The following PLA2G2F variants were observed in gnomAD, a reference collection of about 807,000 sequenced individuals.
PLA2G2F encodes the protein phospholipase A2 group IIF.
Under a neutral mutation model 15.9 loss-of-function variants are expected in PLA2G2F, and 17 were observed. The observed-to-expected ratio is 1.07, with a 90% CI of 0.73 to 1.60. The LOEUF (loss-of-function observed/expected upper bound fraction) is 1.60, where lower values mean the gene tolerates loss of function less well. Among genes scored for constraint, PLA2G2F ranks in the 40% most tolerant of loss-of-function variants. PLA2G2F has a pLI of 0.00. For synonymous variants in PLA2G2F, 119 were observed against 106.5 expected, an observed-to-expected ratio of 1.12 and a Z score of -0.72; for missense variants, 299 against 278.2, an observed-to-expected ratio of 1.07 and a Z score of -0.53.
intron 2 of PLA2G2F, 45 bp downstream of exon 2, chr1:20,140,263 G>C: frequency 9.4e-6 from 15 of 1,602,308 alleles, no homozygotes; most frequent in Non-Finnish European, 1.3e-5. Context: ...CCCACTCCCA[G>C]CTTGTCTCCC....
chr1:20,144,933 TG>T (rs2017557995), intron 4 of PLA2G2F, among the ~76,000 whole-genome samples: 1 of 152,022 alleles, frequency 6.6e-6, no homozygotes, highest in Non-Finnish European at 1.5e-5. Context: ...AAAAATTAGC[TG>T]GGCTTGGTGG....
At chr1:20,140,669 CTT>C (rs2017439306) in intron 2 of PLA2G2F, 1 of 169,562 alleles carries the variant, frequency 5.9e-6, no homozygotes, top group African/African-American at 2.4e-5. Context: ...ATTTGTGTCT[CTT>C]TGTGTGAGTG....
chr1:20,148,627 G>C lies in PLA2G2F; in HGVS notation c.*226G>C. On this transcript the variant is annotated 3_prime_UTR_variant, in exon 5 of 5. Transcript: ENST00000375102. ...GCCTCCTGCTGCTGGTTCTGGACTG[G>C]GTGGGAGGCACGGAGCTTATAGGGG... The C allele has an allele frequency of 1.7e-6, 1 of 587,740 alleles. No homozygotes were observed. Among genetic ancestry groups the C allele is most frequent in the South Asian group, 2.0e-5 (1 of 49,036 alleles). The allele number at this position is 587,740 out of a possible 1,614,324, so 36.4% of individuals were successfully genotyped here. A position where few individuals can be genotyped will look rare whatever the true frequency, so the allele number is the denominator to read the frequency against.
rs778460863 is a variant in PLA2G2F, at chr1:20,148,316, C to G, written c.551C>G (p.Pro184Arg). ...RGFLNVYCQG[P>R]TPNCSIYEPP... is the part of the protein sequence containing the mutation. ...TTCCTCAATGTCTACTGCCAGGGCC[C>G]CACGCCCAACTGCAGCATCTATGAA... Residue 184 changes from proline to arginine, a missense_variant, in exon 5 of 5, where the codon CCC becomes CGC. Coordinates refer to ENST00000375102, the MANE Select transcript of PLA2G2F (RefSeq NM_022819.4). 2 of 1,614,122 alleles carry G rather than the reference C, an allele frequency of 1.2e-6. No individual in the cohort carries two copies. Among genetic ancestry groups the G allele is most frequent in the Non-Finnish European group, 1.7e-6 (2 of 1,180,018 alleles).
At chr1:20,147,327 TAAC>T (rs2017633765) in intron 4 of PLA2G2F, among the ~76,000 whole-genome samples, 1 of 152,190 alleles carries the variant, frequency 6.6e-6, no homozygotes. Context: ...CTACTAATTA[TAAC>T]AACAGCATAG....
At chr1:20,148,103 G>A (rs1167346835) in intron 4 of PLA2G2F, 87 bp from the exon 5 acceptor site, 1 of 1,142,640 alleles carries the variant, frequency 8.8e-7, no homozygotes, top group African/African-American at 1.5e-5. Flanking sequence ...GGCTCTCCAA[G>A]TCTGTGTGCT....
rs3738125 is a variant in PLA2G2F, at chr1:20,148,383, G to A, written c.618G>A (p.Ala206=). ...EEVTCSHQSP[A]PPAPP ...TCACCTGCAGTCACCAATCCCCAGC[G>A]CCCCCCGCCCCTCCCTAGAGCCTCT... The change falls in exon 5 of 5, where the codon GCG becomes GCA. Residue 206 remains alanine (A), a synonymous_variant. Coordinates refer to ENST00000375102, the MANE Select transcript of PLA2G2F (RefSeq NM_022819.4). 3.7e-3 allele frequency: 5,981 copies of A among 1,611,568 alleles called. 308 individuals carry two copies. In the East Asian group the frequency reaches 0.12, roughly 33 times the overall value.
Position 20,139,438 on chromosome 1 carries a change from G to C in PLA2G2F, c.11G>C (p.Gly4Ala). 6.4e-7 allele frequency: 1 copy of C among 1,561,094 alleles called. No individual in the cohort carries two copies. Among genetic ancestry groups the C allele is most frequent in the Non-Finnish European group, 8.7e-7 (1 of 1,151,626 alleles). Residue 4 changes from glycine (G) to alanine (A), a missense_variant, in exon 1 of 5, where the codon GGG becomes GCG. By Grantham distance (60) the Gly-to-Ala change is moderately conservative. Coordinates refer to ENST00000375102, the MANE Select transcript of PLA2G2F (RefSeq NM_022819.4). ...CCCAGAACCCGCAACATGGCAGATG[G>C]GGCAAAGGCCAACCCCAAAGGGTTC... is the stretch of plus-strand genomic sequence containing the variant. MAD[G>A]AKANPKGFKK...
At position 20,143,532 on chromosome 1, in the gene PLA2G2F, G is replaced by C. The variant is rs997799709; in HGVS notation, c.256G>C (p.Gly86Arg). 6.2e-7 allele frequency: 1 copy of C among 1,613,948 alleles called. No individual in the cohort carries two copies. Among genetic ancestry groups the C allele is most frequent in the Admixed American group, 1.7e-5 (1 of 59,998 alleles). Reference protein sequence around the residue: ...TGRSAILSFVGYGCYCGLGGR... With the variant: ...TGRSAILSFVRYGCYCGLGGR... ...GAGGAGCGCCATCCTGTCCTTCGTG[G>C]GCTACGGTTGCTACTGTGGGCTGGG... The change falls in exon 3 of 5, where the codon GGC (glycine) becomes CGC (arginine). Residue 86 changes from glycine to arginine, a missense_variant. By Grantham distance (125) the Gly-to-Arg change is moderately radical. Transcript: ENST00000375102.
intron 3 of PLA2G2F, 153 bp downstream of exon 3, chr1:20,143,743 A>T: frequency 2.1e-6 from 2 of 964,070 alleles, no homozygotes; most frequent in Non-Finnish European, 3.0e-6. Flanking sequence ...CTGGTCTTTG[A>T]CTATGTTCTT....
intron 2 of PLA2G2F, chr1:20,140,592 A>G (rs963656160): frequency 2.3e-5 from 5 of 219,340 alleles, no homozygotes; most frequent in African/African-American, 1.1e-4. Flanking sequence ...TGAGCATGTG[A>G]TGATGTCTAT....
At chr1:20,145,871 G>A (rs2017594355) in intron 4 of PLA2G2F, among the ~76,000 whole-genome samples, 1 of 152,162 alleles carries the variant, frequency 6.6e-6, no homozygotes, top group African/African-American at 2.4e-5. Flanking sequence ...GCTTCCCAAA[G>A]TGCTGGGATT....
At chr1:20,147,780 T>G (rs2017642098) in intron 4 of PLA2G2F, among the ~76,000 whole-genome samples, 1 of 152,164 alleles carries the variant, frequency 6.6e-6, no homozygotes, top group Non-Finnish European at 1.5e-5. Context: ...CGTTCTTTGA[T>G]TCTGTGATTG....
intron 1 of PLA2G2F, among the ~76,000 whole-genome samples, chr1:20,139,830 G>T (rs1455691231): frequency 1.3e-5 from 2 of 152,140 alleles, no homozygotes; most frequent in Non-Finnish European, 2.9e-5. Context: ...CAGCTGCTAG[G>T]CTGGGTCATA....
Position 20,148,290 on chromosome 1 carries a change from C to T in PLA2G2F, c.525C>T (p.Gly175=). The change falls in exon 5 of 5, where the codon GGC becomes GGT. Residue 175 remains glycine, a synonymous_variant. Transcript: ENST00000375102. ...AGACGTACCGAGAGGAGTACCGTGG[C>T]TTCCTCAATGTCTACTGCCAGGGCC... ...MNQTYREEYR[G]FLNVYCQGPT... is the part of the protein sequence containing the mutation. The T allele has an allele frequency of 6.2e-7, 1 of 1,614,084 alleles. No individual in the cohort carries two copies. Among genetic ancestry groups the T allele is most frequent in the Non-Finnish European group, 8.5e-7 (1 of 1,179,986 alleles).
Position 20,143,595 on chromosome 1 carries a change from G to A in PLA2G2F, c.314+5G>A. The A allele has an allele frequency of 1.2e-6, 2 of 1,613,224 alleles. No homozygotes were observed. Among genetic ancestry groups the A allele is most frequent in the Non-Finnish European group, 1.7e-6 (2 of 1,179,410 alleles). On this transcript the variant is annotated splice_donor_5th_base_variant and intron_variant, in intron 3 of 4. Coordinates refer to ENST00000375102, the MANE Select transcript of PLA2G2F (RefSeq NM_022819.4). Reference sequence around the variant, plus strand: ...GCCCAAGGATGAGGTGGACTGGTAGGTACCAGAGGCCTGGGCTCCTGTCAG... The same window carrying A: ...GCCCAAGGATGAGGTGGACTGGTAGATACCAGAGGCCTGGGCTCCTGTCAG...
At chr1:20,143,806 G>T in intron 3 of PLA2G2F, 1 of 578,574 alleles carries the variant, frequency 1.7e-6, no homozygotes, top group South Asian at 2.4e-5. Flanking sequence ...CATGGGCTTG[G>T]AAGTGTTTCA....
intron 2 of PLA2G2F, chr1:20,141,846 C>A (rs1337131849): frequency 2.6e-5 from 4 of 152,238 alleles, no homozygotes; most frequent in Non-Finnish European, 1.5e-5. Context: ...AGGCCTCCAG[C>A]AGGGCACTGG....
In PLA2G2F at chr1:20,146,677, C is replaced by G. The variant is rs188096767; in HGVS notation, c.425-1513C>G. ...AAGCAACGCTGGCTTTGCAAAGACA[C>G]TCAAATCTTCTGTCATTGGGAAGGA... On this transcript the variant is annotated intron_variant, in intron 4 of 4. Coordinates refer to ENST00000375102, the MANE Select transcript of PLA2G2F (RefSeq NM_022819.4). Among the ~76,000 whole-genome samples the G allele has an allele frequency of 3.3e-5, 5 of 152,320 alleles. No homozygotes were observed. The East Asian group carries it at 9.6e-4, about 29-fold the overall frequency.
Sources: gnomAD v4.1 joint callset for allele counts (sites outside exome capture counted in the v4.1 genomes callset) on GRCh38, gnomAD v4.1.1 for gene constraint, MANE v1.5 for transcripts, NCBI Gene and HGNC (gene_info 2026-07-23, HGNC 2026-07-21) for gene names.